The following WDPCP variants were observed in gnomAD, a reference collection of about 807,000 sequenced individuals.
WDPCP encodes WD repeat containing planar cell polarity effector, also known as WD repeat-containing and planar cell polarity effector protein fritz homolog.
In WDPCP, 71 loss-of-function variants were observed where a neutral mutation model predicts 93.1. That is an observed-to-expected ratio of 0.76 (90% CI 0.63 to 0.93). WDPCP has a LOEUF of 0.93. Among genes scored for constraint, WDPCP ranks in the 40% least tolerant of loss-of-function variants. The pLI is 0.00. For synonymous variants in WDPCP, 315 were observed against 315.0 expected, an observed-to-expected ratio of 1.00 and a Z score of 0.00; for missense variants, 844 against 887.4, an observed-to-expected ratio of 0.95 and a Z score of 0.62.
intron 14 of WDPCP, among the ~76,000 whole-genome samples, chr2:63,178,849 T>G (rs925743440): frequency 6.6e-6 from 1 of 152,168 alleles, no homozygotes; most frequent in African/African-American, 2.4e-5. Flanking sequence ...AGCCATAAAC[T>G]TCTCTGTTAG....
intron 13 of WDPCP, among the ~76,000 whole-genome samples, chr2:63,277,610 T>C (rs1407331220): frequency 6.6e-6 from 1 of 152,204 alleles, no homozygotes; most frequent in Non-Finnish European, 1.5e-5. Context: ...GCTATTTTTA[T>C]ATCAGACAAA....
chr2:63,624,714 G>A (rs1709788607), intron 3 of WDPCP, among the ~76,000 whole-genome samples: 1 of 152,108 alleles, frequency 6.6e-6, no homozygotes, highest in Non-Finnish European at 1.5e-5. Flanking sequence ...AAAAAGCCCA[G>A]AACCAGATGG....
intron 1 of WDPCP, among the ~76,000 whole-genome samples, chr2:63,572,713 A>AAAAAAAAAAAAAAAAAAAAAAAC (rs1707618360): frequency 6.8e-6 from 1 of 146,628 alleles, no homozygotes; most frequent in African/African-American, 2.5e-5. Flanking sequence ...AAAAAAAAAA[A>AAAAAAAAAAAAAAAAAAAAAAAC]AAAAAAAAAA....
intron 2 of WDPCP, among the ~76,000 whole-genome samples, chr2:63,677,205 A>G (rs535661990): frequency 6.6e-6 from 1 of 152,336 alleles, no homozygotes; most frequent in African/African-American, 2.4e-5. Flanking sequence ...ATACTTGGAT[A>G]GATTAATATT....
At chr2:63,482,607 C>G (rs943720633) in intron 6 of WDPCP, among the ~76,000 whole-genome samples, 2 of 151,918 alleles carry the variant, frequency 1.3e-5, no homozygotes, top group Non-Finnish European at 2.9e-5. Context: ...ATAGAACCTA[C>G]ATAGATTTTT....
At chr2:63,746,716 C>G (rs1216657369) in intron 2 of WDPCP, among the ~76,000 whole-genome samples, 1 of 152,128 alleles carries the variant, frequency 6.6e-6, no homozygotes, top group Non-Finnish European at 1.5e-5. Flanking sequence ...GAAATTCCAG[C>G]CTGGCGAATT....
At chr2:63,237,830 G>A (rs1679529040) in intron 14 of WDPCP, among the ~76,000 whole-genome samples, 1 of 152,080 alleles carries the variant, frequency 6.6e-6, no homozygotes, top group South Asian at 2.1e-4. Context: ...GCTCCAAAAG[G>A]AAAGAGGGAA....
chr2:63,619,397 A>G (rs188154908), intron 3 of WDPCP, among the ~76,000 whole-genome samples: 14 of 152,128 alleles, frequency 9.2e-5, no homozygotes, highest in Non-Finnish European at 1.5e-5. Flanking sequence ...ATTATCATCT[A>G]CTCTATAAAG....
intron 14 of WDPCP, among the ~76,000 whole-genome samples, chr2:63,201,861 C>T (rs2104337391): frequency 6.6e-6 from 1 of 151,982 alleles, no homozygotes; most frequent in Admixed American, 6.6e-5. Flanking sequence ...GGTAATTATT[C>T]ATCATTTCTA....
rs58378137 is a variant in WDPCP at position 63,703,565 on chromosome 2, GGTTTTGTTTT to G, written n.309-52737_309-52728del. 6.6e-3 allele frequency among the ~76,000 whole-genome samples: 1,003 copies of G among 151,102 alleles called. 7 individuals are homozygous for G. Among genetic ancestry groups the G allele is most frequent in the Admixed American group, 0.023 (353 of 15,206 alleles). On this transcript the variant is annotated intron_variant and non_coding_transcript_variant, in intron 2 of 4. Coordinates refer to the WDPCP transcript ENST00000467687. ...ATATCCTTTGCCCACTTTTTGATGGGGTTTTGTTTTGTTTTGTTTTGTTTTGTTTTGTTTT... is the reference window on the plus strand; with the variant it reads ...ATATCCTTTGCCCACTTTTTGATGGGGTTTTGTTTTGTTTTGTTTTGTTTT...
chr2:63,254,582 C>T (rs142310456), intron 14 of WDPCP, among the ~76,000 whole-genome samples: 1 of 151,894 alleles, frequency 6.6e-6, no homozygotes, highest in Non-Finnish European at 1.5e-5. Context: ...ATGGAGAAGT[C>T]CCATGTCTCT....
chr2:63,391,358 C>A (rs1294588684), intron 10 of WDPCP, among the ~76,000 whole-genome samples: 1 of 152,166 alleles, frequency 6.6e-6, no homozygotes, highest in African/African-American at 2.4e-5. Flanking sequence ...ATGATAAAAA[C>A]TCTCAATAAA....
chr2:63,508,541 A>T (rs1702029013), intron 1 of WDPCP, among the ~76,000 whole-genome samples: 1 of 152,158 alleles, frequency 6.6e-6, no homozygotes, highest in Admixed American at 6.5e-5. Context: ...TGGGCAAAAT[A>T]ACCAGCTAAC....
chr2:63,496,783 C>G (rs1484886224), intron 1 of WDPCP, among the ~76,000 whole-genome samples: 2 of 152,046 alleles, frequency 1.3e-5, no homozygotes, highest in Admixed American at 6.5e-5. Flanking sequence ...TAAAAATGAC[C>G]CTTTTGTGGC....
At chr2:63,675,982 T>G (rs1017752822) in intron 2 of WDPCP, among the ~76,000 whole-genome samples, 4 of 152,228 alleles carry the variant, frequency 2.6e-5, no homozygotes, top group African/African-American at 9.6e-5. Context: ...TTACGATTAC[T>G]TTCCCTTTGG....
At chr2:63,791,138 C>T (rs753728848) in intron 2 of WDPCP, among the ~76,000 whole-genome samples, 9 of 152,130 alleles carry the variant, frequency 5.9e-5, no homozygotes, top group Non-Finnish European at 1.0e-4. Flanking sequence ...CAATTCTGGA[C>T]GTCACTGGGG....
At chr2:63,727,887 T>G (rs1669512345) in intron 2 of WDPCP, among the ~76,000 whole-genome samples, 1 of 152,158 alleles carries the variant, frequency 6.6e-6, no homozygotes, top group Non-Finnish European at 1.5e-5. Flanking sequence ...GCTGATTGTG[T>G]TTTTTGGATC....
At chr2:63,575,389 G>GTATACACT (rs1558831597) in intron 1 of WDPCP, among the ~76,000 whole-genome samples, 67 of 24,908 alleles carry the variant, frequency 2.7e-3, no homozygotes, top group Non-Finnish European at 3.9e-3. Flanking sequence ...GTATATACAC[G>GTATACACT]GTATATACAG....
chr2:63,325,440 C>T (rs950159388), intron 12 of WDPCP, among the ~76,000 whole-genome samples: 6 of 152,270 alleles, frequency 3.9e-5, no homozygotes, highest in Admixed American at 6.5e-5. Context: ...CTCGGGAAAG[C>T]GCCAGCTCAT....
Sources: gnomAD v4.1 joint callset for allele counts (sites outside exome capture counted in the v4.1 genomes callset) on GRCh38, gnomAD v4.1.1 for gene constraint, MANE v1.5 for transcripts, NCBI Gene and HGNC (gene_info 2026-07-23, HGNC 2026-07-21) for gene names.